Variants in SVEP1 observed in about 807,000 individuals in gnomAD.
SVEP1 encodes sushi, von Willebrand factor type A, EGF and pentraxin domain-containing protein 1.
A neutral mutation model predicts 367.3 loss-of-function variants in SVEP1; 164 were observed. The observed-to-expected ratio is 0.45, with a 90% CI of 0.39 to 0.51. SVEP1 has a LOEUF of 0.51. Among genes scored for constraint, SVEP1 ranks in the 20% least tolerant of loss-of-function variants. The pLI is 0.00. For missense variants in SVEP1, 4,117 were observed against 4,425.3 expected (o/e 0.93, Z 1.98); for synonymous variants, 1,666 against 1,611.6 (o/e 1.03, Z -0.81).
Position 110,455,605 on chromosome 9 carries a change from G to C in SVEP1, c.3772C>G (p.Pro1258Ala). 6.2e-7 allele frequency: 1 copy of C among 1,613,114 alleles called. No individual in the cohort carries two copies. The highest frequency in any genetic ancestry group is 8.5e-7 in the Non-Finnish European group (1 of 1,179,474). Reference protein sequence around the residue: ...DLVGEFICECPSGYTGQRCEE... With the variant: ...DLVGEFICECASGYTGQRCEE... The stretch of plus-strand genomic sequence containing the variant: ...TTCCCCTTACCTGTGTAACCTGATG[G>C]GCACTCACAAATGAATTCCCCAACT... Residue 1258 changes from proline to alanine, a missense_variant, in exon 22 of 48, where the codon CCA (proline) becomes GCA (alanine). This residue lies in a region of SVEP1 where 2,174 missense variants were observed against 2,494.3 expected (regional missense o/e 0.87). Transcript: ENST00000374469.
intron 27 of SVEP1, 59 bp downstream of exon 27, chr9:110,443,486 A>G: frequency 7.4e-7 from 1 of 1,349,858 alleles, no homozygotes; most frequent in Non-Finnish European, 9.7e-7. Flanking sequence ...CCTGATGTCC[A>G]TTTAAGCAGC....
chr9:110,464,843 C>A (rs1052599673), intron 18 of SVEP1, among the ~76,000 whole-genome samples: 8 of 152,118 alleles, frequency 5.3e-5, no homozygotes, highest in Admixed American at 3.9e-4. Flanking sequence ...CTTTTTAGTC[C>A]AGTTCTATTG....
chr9:110,528,132 G>A (rs74987959), intron 3 of SVEP1, among the ~76,000 whole-genome samples: 469 of 33,706 alleles, frequency 0.014, 15 homozygotes, highest in African/African-American at 0.051. Context: ...ACATACACAC[G>A]TGTGTGTGTG....
At chr9:110,385,839 C>T in intron 43 of SVEP1, 59 bp downstream of exon 43, 1 of 1,551,836 alleles carries the variant, frequency 6.4e-7, no homozygotes, top group Non-Finnish European at 8.7e-7. Context: ...AACAACCTCA[C>T]AGGGATGGGA....
At chr9:110,547,328 A>G (rs1463483767) in intron 2 of SVEP1, among the ~76,000 whole-genome samples, 1 of 152,196 alleles carries the variant, frequency 6.6e-6, no homozygotes, top group African/African-American at 2.4e-5. Flanking sequence ...TTTATTTGGC[A>G]GTAAAGCAAG....
intron 40 of SVEP1, among the ~76,000 whole-genome samples, chr9:110,395,438 C>A (rs1238214492): frequency 6.6e-6 from 1 of 152,154 alleles, no homozygotes; most frequent in Non-Finnish European, 1.5e-5. Context: ...GAAGAAACTG[C>A]ATCAACTAAC....
chr9:110,434,592 T>G (rs1236470608), intron 29 of SVEP1, 86 bp from the exon 30 acceptor site: 12 of 1,322,396 alleles, frequency 9.1e-6, no homozygotes, highest in Non-Finnish European at 1.1e-5. Flanking sequence ...GTATTCTGTA[T>G]CAGCATTTGA....
At position 110,522,867 on chromosome 9, in the gene SVEP1, T is replaced by C. The variant is rs78286687; in HGVS notation, c.965-8761A>G. 8.6e-3 allele frequency among the ~76,000 whole-genome samples: 1,308 copies of C among 152,330 alleles called. 22 individuals are homozygous for C. The highest frequency in any genetic ancestry group is 0.03 in the African/African-American group (1,258 of 41,584). On this transcript the variant is annotated intron_variant, in intron 3 of 47. Coordinates refer to ENST00000374469, the MANE Select transcript of SVEP1 (RefSeq NM_153366.4). Reference sequence around the variant, plus strand: ...TTATATCAGTTGTTATCCATTTCCATTATTGGTACACTAATTTAAAAGCCT... The same window carrying C: ...TTATATCAGTTGTTATCCATTTCCACTATTGGTACACTAATTTAAAAGCCT...
At chr9:110,489,845 T>C (rs948153667) in intron 8 of SVEP1, 66 bp from the exon 9 acceptor site, 21 of 1,516,410 alleles carry the variant, frequency 1.4e-5, no homozygotes, top group African/African-American at 2.8e-5. Flanking sequence ...TTCTGATTTA[T>C]ATATTATTAG....
intron 27 of SVEP1, among the ~76,000 whole-genome samples, chr9:110,439,929 T>C (rs559881907): frequency 6.6e-6 from 1 of 152,328 alleles, no homozygotes; most frequent in South Asian, 2.1e-4. Flanking sequence ...TCTTCCATCA[T>C]TGTTTATATT....
chr9:110,501,452 A>G (rs1042281070), intron 6 of SVEP1, among the ~76,000 whole-genome samples: 2 of 151,702 alleles, frequency 1.3e-5, no homozygotes, highest in Admixed American at 1.3e-4. Context: ...TATATTTGCT[A>G]TTTTAATGAC....
rs540632097 is a variant in SVEP1 at position 110,496,740 on chromosome 9, A to G, written c.1800+75T>C. On this transcript the variant is annotated intron_variant, in intron 8 of 47. Transcript: ENST00000374469. ...CAAGTATTACCATGAGCATATTAGT[A>G]AGTCTTCAACACACATATCTGCAGT... 9 of 1,042,752 alleles carry G rather than the reference A, an allele frequency of 8.6e-6. No homozygotes were observed. In the Admixed American group the frequency reaches 1.9e-4, roughly 22 times the overall value. The allele number at this position is 1,042,752 out of a possible 1,614,324, so 64.6% of individuals were successfully genotyped here.
intron 3 of SVEP1, among the ~76,000 whole-genome samples, chr9:110,535,552 T>C (rs1438178641): frequency 6.6e-6 from 1 of 152,072 alleles, no homozygotes; most frequent in East Asian, 1.9e-4. Context: ...GTCATGAATG[T>C]TATTGGTAGT....
chr9:110,512,759 T>C (rs1021132913), intron 5 of SVEP1, 167 bp downstream of exon 5: 2 of 816,066 alleles, frequency 2.5e-6, no homozygotes, highest in Non-Finnish European at 4.0e-6. Flanking sequence ...ATGTGGTCAA[T>C]TGAACTTGGT....
At chr9:110,406,004 T>C (rs1394746006) in intron 38 of SVEP1, among the ~76,000 whole-genome samples, 156 bp downstream of exon 38, 2 of 152,202 alleles carry the variant, frequency 1.3e-5, no homozygotes, top group African/African-American at 2.4e-5. Flanking sequence ...TTCTACATAA[T>C]TGTAGGTAGA....
At chr9:110,510,228 T>C (rs772186479) in intron 5 of SVEP1, among the ~76,000 whole-genome samples, 1 of 152,222 alleles carries the variant, frequency 6.6e-6, no homozygotes, top group Non-Finnish European at 1.5e-5. Context: ...AGACCTTCCA[T>C]GAGTTTCTCC....
Position 110,559,804 on chromosome 9 carries a change from T to C in SVEP1, c.532-9700A>G, listed in dbSNP as rs181610248. On this transcript the variant is annotated intron_variant, in intron 1 of 47. Coordinates refer to ENST00000374469, the MANE Select transcript of SVEP1 (RefSeq NM_153366.4). ...CAATAATAAAAAATTAGAAACAATA[T>C]AAAGTTCCAACAACAGGACAAGCAC... Among the ~76,000 whole-genome samples, 543 of 152,146 alleles carry C rather than the reference T, an allele frequency of 3.6e-3. 2 individuals carry two copies. Among genetic ancestry groups the C allele is most frequent in the African/African-American group, 0.012 (516 of 41,524 alleles).
At chr9:110,455,753 G>T (rs755777308) in intron 21 of SVEP1, 50 bp from the exon 22 acceptor site, 2 of 1,404,680 alleles carry the variant, frequency 1.4e-6, no homozygotes, top group Non-Finnish European at 2.0e-6. Flanking sequence ...GGGATTAACC[G>T]AAATAGAACT....
At chr9:110,524,264 C>A (rs1829913850) in intron 3 of SVEP1, among the ~76,000 whole-genome samples, 2 of 152,036 alleles carry the variant, frequency 1.3e-5, no homozygotes, top group African/African-American at 4.8e-5. Context: ...TACATAATTT[C>A]TTCCAAAAAA....
Sources: allele counts gnomAD v4.1 joint callset (sites outside exome capture counted in the v4.1 genomes callset), GRCh38; gene constraint gnomAD v4.1.1; regional missense constraint gnomAD v4.1.1; transcripts MANE v1.5; gene names NCBI Gene and HGNC (gene_info 2026-07-23, HGNC 2026-07-21).